The following GNE variants were observed in gnomAD, a reference collection of about 807,000 sequenced individuals.
GNE encodes the protein glucosamine (UDP-N-acetyl)-2-epimerase/N-acetylmannosamine kinase.
Under a neutral mutation model 61.8 loss-of-function variants are expected in GNE, and 41 were observed. That is an observed-to-expected ratio of 0.66 (90% CI 0.52 to 0.86). GNE has a LOEUF of 0.86. Among genes scored for constraint, GNE ranks in the 40% least tolerant of loss-of-function variants. The pLI, the probability that GNE is intolerant of heterozygous loss-of-function variation, is 0.00. For missense variants in GNE, 608 were observed against 909.1 expected (o/e 0.67, Z 4.26); for synonymous variants, 264 against 326.4 (o/e 0.81, Z 2.06).
chr9:36,230,439 G>C (rs1254183667), intron 5 of GNE, among the ~76,000 whole-genome samples: 1 of 151,758 alleles, frequency 6.6e-6, no homozygotes, highest in East Asian at 1.9e-4. Flanking sequence ...TTGGTCCTGG[G>C]CTCCATTCTC....
chr9:36,275,905 C>T (rs952266904), intron 1 of GNE, among the ~76,000 whole-genome samples: 4 of 152,112 alleles, frequency 2.6e-5, no homozygotes, highest in African/African-American at 7.2e-5. Flanking sequence ...GGTACAGGGG[C>T]TCAACGCCTG....
chr9:36,244,666 G>A (rs1338199616), intron 3 of GNE, among the ~76,000 whole-genome samples: 5 of 152,008 alleles, frequency 3.3e-5, no homozygotes, highest in African/African-American at 9.7e-5. Flanking sequence ...AGCCAGGCGC[G>A]GTGGCTCATG....
chr9:36,219,748 G>A, intron 10 of GNE, 90 bp downstream of exon 10: 1 of 1,168,832 alleles, frequency 8.6e-7, no homozygotes, highest in Non-Finnish European at 1.3e-6. Context: ...GGAAACTTCT[G>A]GCTTCAGTGT....
At chr9:36,274,846 C>CGG (rs1554668354) in intron 1 of GNE, among the ~76,000 whole-genome samples, 3 of 151,560 alleles carry the variant, frequency 2.0e-5, no homozygotes, top group Non-Finnish European at 4.4e-5. Context: ...CCTCAGCCTC[C>CGG]CGCGTAGCTG....
intron 1 of GNE, among the ~76,000 whole-genome samples, chr9:36,265,832 AT>A (rs1246118786): frequency 4.6e-5 from 7 of 152,336 alleles, no homozygotes; most frequent in African/African-American, 1.7e-4. Context: ...TTCTATGAGA[AT>A]CTGATGCCAC....
chr9:36,252,773 T>A (rs1398949655), intron 1 of GNE, among the ~76,000 whole-genome samples: 5 of 152,180 alleles, frequency 3.3e-5, no homozygotes, highest in African/African-American at 1.2e-4. Flanking sequence ...AGAGGTTAAG[T>A]AGCAATAAGT....
intron 3 of GNE, among the ~76,000 whole-genome samples, chr9:36,238,703 T>G (rs1364612776): frequency 6.6e-6 from 1 of 152,200 alleles, no homozygotes; most frequent in Admixed American, 6.5e-5. Flanking sequence ...CTGTTTACTC[T>G]GCTATTCCTT....
chr9:36,269,511 A>G (rs939359673), intron 1 of GNE, among the ~76,000 whole-genome samples: 46 of 151,462 alleles, frequency 3.0e-4, no homozygotes, highest in Non-Finnish European at 5.2e-4. Context: ...TGACTTTGCT[A>G]TTTCTTTTAA....
intron 3 of GNE, among the ~76,000 whole-genome samples, chr9:36,239,381 G>A (rs370956133): frequency 3.9e-5 from 6 of 151,942 alleles, no homozygotes; most frequent in East Asian, 3.9e-4. Flanking sequence ...GTGTTTCGCA[G>A]TATCAGCTCT....
At chr9:36,276,842 T>A in intron 1 of GNE, 1 of 1,396,332 alleles carries the variant, frequency 7.2e-7, no homozygotes, top group Non-Finnish European at 1.0e-6. Flanking sequence ...CCCCCCTTTT[T>A]TTCTGATTGC....
chr9:36,227,503 C>T (rs1399556716), intron 6 of GNE, 45 bp from the exon 7 acceptor site: 1 of 1,177,608 alleles, frequency 8.5e-7, no homozygotes, highest in East Asian at 2.3e-5. Flanking sequence ...TTCTGCCATA[C>T]ATGTTAAGTG....
At chr9:36,264,385 T>G (rs1040315932) in intron 1 of GNE, among the ~76,000 whole-genome samples, 3 of 152,136 alleles carry the variant, frequency 2.0e-5, no homozygotes, top group African/African-American at 7.2e-5. Context: ...TCCGCCTGCC[T>G]TGGCCTACCA....
chr9:36,258,975 G>T (rs544711370), upstream of GNE, among the ~76,000 whole-genome samples: 1 of 152,146 alleles, frequency 6.6e-6, no homozygotes, highest in Non-Finnish European at 1.5e-5. Flanking sequence ...GTTCAGCGGC[G>T]GCCTCCACTA....
chr9:36,244,989 A>G (rs1403319692), intron 3 of GNE, among the ~76,000 whole-genome samples: 4 of 151,132 alleles, frequency 2.6e-5, no homozygotes, highest in African/African-American at 9.7e-5. Context: ...AAAATTTCAG[A>G]AAATCAGGCC....
chr9:36,246,161 G>A lies in GNE; in HGVS notation c.486C>T (p.Arg162=), dbSNP rs1424504995. ...TGGATATCAGGTGCTGCTCTGCACT[G>A]CGGGTGCAGCACACATGATAATGAG... ...KLAHYHVCCT[R]SAEQHLISMC... Residue 162 remains arginine (R), a synonymous_variant, in exon 3 of 12, where the codon CGC becomes CGT. Coordinates refer to ENST00000642385, the MANE Select transcript of GNE (RefSeq NM_005476.7). 1 of 1,613,610 alleles carries A rather than the reference G, an allele frequency of 6.2e-7. No individual in the cohort carries two copies. Among genetic ancestry groups the A allele is most frequent in the Non-Finnish European group, 8.5e-7 (1 of 1,179,476 alleles).
intron 7 of GNE, among the ~76,000 whole-genome samples, chr9:36,223,948 C>T (rs1828734864): frequency 6.6e-6 from 1 of 151,958 alleles, no homozygotes; most frequent in South Asian, 2.1e-4. Context: ...GATGGGGTTT[C>T]ACCATGCTGC....
At position 36,264,721 on chromosome 9, in the gene GNE, C is replaced by T. The variant is rs1830712482; in HGVS notation, c.51+12173G>A. Among the ~76,000 whole-genome samples the T allele has an allele frequency of 2.6e-5, 4 of 152,288 alleles. No homozygotes were observed. The South Asian group carries it at 8.3e-4, about 32-fold the overall frequency. ...CCACCTTTAAACATGGGGCTTGCAA[C>T]TTAGCTCACACCCGACCAATCAGGT... On this transcript the variant is annotated intron_variant, in intron 1 of 11. Coordinates refer to the GNE transcript ENST00000396594.
At position 36,214,848 on chromosome 9, in the gene GNE, G is replaced by A. The variant is rs1001363534; in HGVS notation, c.*2517C>T. 9 of 152,170 alleles carry A rather than the reference G, an allele frequency of 5.9e-5. No individual in the cohort carries two copies. Among genetic ancestry groups the A allele is most frequent in the Non-Finnish European group, 1.3e-4 (9 of 68,026 alleles). 9.4% of individuals were successfully genotyped at this position (152,170 alleles called of 1,614,324 possible). A position where few individuals can be genotyped will look rare whatever the true frequency, so the allele number is the denominator to read the frequency against. The stretch of plus-strand genomic sequence containing the variant: ...TACTGCAGGGCTGGCAGAGTTTTAG[G>A]AATCAGCCAAACTCTTTTTCACACT... On this transcript the variant is annotated 3_prime_UTR_variant, in exon 12 of 12. Coordinates refer to ENST00000642385, the MANE Select transcript of GNE (RefSeq NM_005476.7).
At chr9:36,264,528 C>T (rs1011361843) in intron 1 of GNE, among the ~76,000 whole-genome samples, 2 of 152,130 alleles carry the variant, frequency 1.3e-5, no homozygotes, top group South Asian at 2.1e-4. Flanking sequence ...AACCTTATTT[C>T]GATCCCCACT....
Sources: allele counts gnomAD v4.1 joint callset (sites outside exome capture counted in the v4.1 genomes callset), GRCh38; gene constraint gnomAD v4.1.1; transcripts MANE v1.5; gene names NCBI Gene and HGNC (gene_info 2026-07-23, HGNC 2026-07-21).